Variants in GRIK3 observed in about 807,000 individuals in gnomAD.
GRIK3 encodes glutamate receptor ionotropic, kainate 3.
In GRIK3, 29 loss-of-function variants were observed where a neutral mutation model predicts 102.5. The ratio of observed to expected loss-of-function variants is 0.28; its 90% CI spans 0.21 to 0.39. The LOEUF (loss-of-function observed/expected upper bound fraction) is 0.39, where lower values mean the gene tolerates loss of function less well. Ranked by LOEUF, GRIK3 falls within the 10% of genes least tolerant of loss-of-function variation. The pLI is 1.00. For synonymous variants in GRIK3, 511 were observed against 504.9 expected, an observed-to-expected ratio of 1.01 and a Z score of -0.16; for missense variants, 908 against 1,252.4, an observed-to-expected ratio of 0.73 and a Z score of 4.15.
At chr1:36,865,297 T>A (rs1013875264) in intron 5 of GRIK3, among the ~76,000 whole-genome samples, 13 of 152,178 alleles carry the variant, frequency 8.5e-5, no homozygotes, top group Middle Eastern at 3.2e-3. Flanking sequence ...TAATGGCAGC[T>A]GGGGTAATTA....
rs1031212513 is a variant in GRIK3, at chr1:36,966,499, G to A, written c.115+67495C>T. 2.6e-5 allele frequency among the ~76,000 whole-genome samples: 4 copies of A among 152,112 alleles called. No individual in the cohort carries two copies. In the South Asian group the frequency reaches 8.3e-4, roughly 32 times the overall value. On this transcript the variant is annotated intron_variant, in intron 1 of 15. Transcript: ENST00000373091. Reference sequence around the variant, plus strand: ...TCCAGCAAGGTTCTGCTTGGCTAAGGCTGAGGATGACCTTGGTCTTTTGAC... The same window carrying A: ...TCCAGCAAGGTTCTGCTTGGCTAAGACTGAGGATGACCTTGGTCTTTTGAC...
intron 1 of GRIK3, among the ~76,000 whole-genome samples, chr1:36,896,609 C>T (rs1641175735): frequency 1.3e-5 from 2 of 152,008 alleles, no homozygotes; most frequent in African/African-American, 4.8e-5. Flanking sequence ...AAACAAAGAA[C>T]AAGGGCAACA....
chr1:36,865,897 A>T (rs1364233733), intron 5 of GRIK3, among the ~76,000 whole-genome samples: 2 of 152,090 alleles, frequency 1.3e-5, no homozygotes, highest in Non-Finnish European at 2.9e-5. Context: ...TCTTTTTTAA[A>T]GTGACAGGGT....
chr1:37,021,687 G>C (rs1017524147), intron 1 of GRIK3, among the ~76,000 whole-genome samples: 1 of 152,210 alleles, frequency 6.6e-6, no homozygotes, highest in Non-Finnish European at 1.5e-5. Context: ...CTCATGATGT[G>C]TCATGTTTCC....
At chr1:36,899,170 G>A (rs965709715) in intron 1 of GRIK3, among the ~76,000 whole-genome samples, 4 of 152,050 alleles carry the variant, frequency 2.6e-5, no homozygotes, top group Admixed American at 2.0e-4. Context: ...AGAAAAGAAA[G>A]ACAAATTGAG....
chr1:37,029,586 G>T (rs1180837905), intron 1 of GRIK3, among the ~76,000 whole-genome samples: 2 of 152,228 alleles, frequency 1.3e-5, no homozygotes, highest in Non-Finnish European at 1.5e-5. Context: ...CACCAAGCAG[G>T]CCTGCAGTCT....
chr1:36,951,795 G>A (rs1641847041), intron 1 of GRIK3, among the ~76,000 whole-genome samples: 1 of 152,058 alleles, frequency 6.6e-6, no homozygotes, highest in Non-Finnish European at 1.5e-5. Flanking sequence ...CGAGGAGGAG[G>A]GAGAGGAGAG....
intron 1 of GRIK3, among the ~76,000 whole-genome samples, chr1:37,020,731 C>T (rs1158154612): frequency 1.3e-5 from 2 of 151,828 alleles, no homozygotes; most frequent in Non-Finnish European, 1.5e-5. Context: ...TCTTACTAGC[C>T]TACCAGAGTT....
intron 1 of GRIK3, among the ~76,000 whole-genome samples, chr1:36,974,569 C>T (rs776762749): frequency 7.9e-5 from 12 of 151,984 alleles, no homozygotes; most frequent in Non-Finnish European, 1.2e-4. Context: ...GAGGCTGAGG[C>T]GGGTGGATCA....
At chr1:36,962,705 T>C (rs1315466210) in intron 1 of GRIK3, among the ~76,000 whole-genome samples, 3 of 149,188 alleles carry the variant, frequency 2.0e-5, no homozygotes, top group Non-Finnish European at 3.0e-5. Context: ...GAAGGAGATA[T>C]GGAGAGGCAA....
In GRIK3 at chr1:36,797,029, A is replaced by G. The variant is rs1642372262; in HGVS notation, c.*4822T>C. The G allele has an allele frequency of 6.6e-6, 1 of 152,140 alleles. No homozygotes were observed. The highest frequency in any genetic ancestry group is 1.5e-5 in the Non-Finnish European group (1 of 68,030). The allele number at this position is 152,140 out of a possible 1,614,324, so 9.4% of individuals were successfully genotyped here. On this transcript the variant is annotated 3_prime_UTR_variant, in exon 16 of 16. Transcript: ENST00000373091. ...TGGCCATTCCTGCCCCTCCCACAGG[A>G]GGCCCTGGCGGTGCAGGACTCACCT...
In GRIK3 at chr1:36,872,535, T is replaced by G. The variant is rs964394437; in HGVS notation, c.551-166A>C. Among the ~76,000 whole-genome samples the G allele has an allele frequency of 6.6e-6, 1 of 152,016 alleles. No individual in the cohort carries two copies. The highest frequency in any genetic ancestry group is 2.4e-5 in the African/African-American group (1 of 41,380). Reference sequence around the variant, plus strand: ...ACTTGTGCACGTGCATGGACAACACTGGAGAGCAGGTGTGTGTGCACATAC... The same window carrying G: ...ACTTGTGCACGTGCATGGACAACACGGGAGAGCAGGTGTGTGTGCACATAC... On this transcript the variant is annotated intron_variant, in intron 3 of 15. Coordinates refer to ENST00000373091, the MANE Select transcript of GRIK3 (RefSeq NM_000831.4). This position sits in a 1 kb window ranked among gnomAD's most constrained non-coding sequence, Gnocchi z 5.9.
Position 36,806,135 on chromosome 1 carries a change from G to A in GRIK3, c.2283C>T (p.Asp761=). The change falls in exon 14 of 16, where the codon GAC becomes GAT. Residue 761 remains aspartate, a synonymous_variant. Transcript: ENST00000373091. This position sits in a 1 kb window ranked among gnomAD's most constrained non-coding sequence, Gnocchi z 4.0. ...CNLTQIGGLI[D]SKGYGIGTPM... is the part of the protein sequence containing the mutation. ...GCGTGCCGATGCCGTAGCCCTTGGA[G>A]TCAATGAGGCCCCCGATCTGGGTGA... The A allele has an allele frequency of 6.2e-7, 1 of 1,614,024 alleles. No homozygotes were observed. Among genetic ancestry groups the A allele is most frequent in the Non-Finnish European group, 8.5e-7 (1 of 1,179,960 alleles).
intron 1 of GRIK3, among the ~76,000 whole-genome samples, chr1:36,917,015 T>C (rs934600961): frequency 7.2e-5 from 11 of 152,198 alleles, no homozygotes; most frequent in Non-Finnish European, 1.3e-4. Context: ...GCAGCCAAGA[T>C]AGGGACTATT....
At chr1:36,809,196 C>T (rs1314903708) in intron 13 of GRIK3, among the ~76,000 whole-genome samples, 1 of 151,752 alleles carries the variant, frequency 6.6e-6, no homozygotes, top group Non-Finnish European at 1.5e-5. Flanking sequence ...CATCCATCCA[C>T]CCATCATCCA....
chr1:36,921,146 T>C (rs1641466528), intron 1 of GRIK3, among the ~76,000 whole-genome samples: 1 of 152,230 alleles, frequency 6.6e-6, no homozygotes, highest in Non-Finnish European at 1.5e-5. Context: ...CATCCTTTGC[T>C]TTTGAAAAGA....
intron 13 of GRIK3, among the ~76,000 whole-genome samples, chr1:36,812,095 A>C (rs187338779): frequency 5.5e-4 from 84 of 152,272 alleles, no homozygotes; most frequent in Middle Eastern, 3.4e-3. Context: ...AGAGGCCAGC[A>C]GATGGGTCAG....
At chr1:36,943,189 C>A (rs1397974128) in intron 1 of GRIK3, among the ~76,000 whole-genome samples, 1 of 151,130 alleles carries the variant, frequency 6.6e-6, no homozygotes, top group African/African-American at 2.4e-5. Flanking sequence ...CACCTGGTAG[C>A]CTCTGCACAG....
chr1:36,919,459 G>C (rs1641443228), intron 1 of GRIK3, among the ~76,000 whole-genome samples: 1 of 151,806 alleles, frequency 6.6e-6, no homozygotes, highest in Non-Finnish European at 1.5e-5. Context: ...CCATGCTGGT[G>C]CGCTGCTTTA....
Sources: allele counts gnomAD v4.1 joint callset (sites outside exome capture counted in the v4.1 genomes callset), GRCh38; gene constraint gnomAD v4.1.1; non-coding constraint Gnocchi (gnomAD v3.1); transcripts MANE v1.5; gene names NCBI Gene and HGNC (gene_info 2026-07-23, HGNC 2026-07-21).